KIRREL3: variants seen among roughly 807,000 people sequenced by gnomAD.
The protein encoded by KIRREL3 is kin of IRRE-like protein 3.
Under a neutral mutation model 89.7 loss-of-function variants are expected in KIRREL3, and 36 were observed. The observed-to-expected ratio is 0.40, with a 90% confidence interval of 0.31 to 0.53. The LOEUF (loss-of-function observed/expected upper bound fraction) is 0.53, where lower values mean the gene tolerates loss of function less well. Among genes scored for constraint, KIRREL3 ranks in the 20% least tolerant of loss-of-function variants. KIRREL3 has a pLI of 0.49. For synonymous variants in KIRREL3, 445 were observed against 441.4 expected (o/e 1.01, Z -0.10); for missense variants, 864 against 1,056.6 (o/e 0.82, Z 2.53).
rs548405396 is a variant in KIRREL3, at chr11:126,812,801, C to T, written c.55+187654G>A. 5.3e-5 allele frequency among the ~76,000 whole-genome samples: 8 copies of T among 152,288 alleles called. No individual in the cohort carries two copies. Among genetic ancestry groups the T allele is most frequent in the Non-Finnish European group, 8.8e-5 (6 of 68,024 alleles). On this transcript the variant is annotated intron_variant, in intron 1 of 16. Coordinates refer to ENST00000525144, the MANE Select transcript of KIRREL3 (RefSeq NM_032531.4). This position sits in a 1 kb window ranked among gnomAD's most constrained non-coding sequence, Gnocchi z 5.2. ...ATCAACTTCTACAATGATCCAATTT[C>T]TGGGTCTGGCTCTGTTTCTCTATTT...
chr11:126,574,783 C>T lies in KIRREL3; in HGVS notation c.56-11871G>A, dbSNP rs1377893998. On this transcript the variant is annotated intron_variant, in intron 1 of 16. Transcript: ENST00000525144. The surrounding 1 kb of genome is among the most constrained non-coding windows in gnomAD (Gnocchi z 5.3). Reference sequence around the variant, plus strand: ...GAAAATGCTGCTTATGAACCACTTCCACCCTTGCCTACCTACTCCTGCCAA... The same window carrying T: ...GAAAATGCTGCTTATGAACCACTTCTACCCTTGCCTACCTACTCCTGCCAA... Among the ~76,000 whole-genome samples, 2 of 152,208 alleles carry T rather than the reference C, an allele frequency of 1.3e-5. No individual in the cohort carries two copies. The highest frequency in any genetic ancestry group is 4.8e-5 in the African/African-American group (2 of 41,442).
At chr11:126,972,196 G>GAGAGAGAGAA in intron 1 of KIRREL3, among the ~76,000 whole-genome samples, 1 of 151,866 alleles carries the variant, frequency 6.6e-6, no homozygotes, top group Non-Finnish European at 1.5e-5. Flanking sequence ...GAGAGAGAGA[G>GAGAGAGAGAA]AGAGAGAGGA....
At chr11:126,621,493 A>G (rs1943572033) in intron 1 of KIRREL3, among the ~76,000 whole-genome samples, 1 of 152,226 alleles carries the variant, frequency 6.6e-6, no homozygotes. Context: ...ATATCTTAAA[A>G]GCGTGTGAGA....
intron 1 of KIRREL3, among the ~76,000 whole-genome samples, chr11:126,582,282 G>T (rs1941591023): frequency 6.6e-6 from 1 of 152,212 alleles, no homozygotes; most frequent in African/African-American, 2.4e-5. Flanking sequence ...CTGCCATTGT[G>T]CATTGCAAGG....
At position 126,729,097 on chromosome 11, in the gene KIRREL3, C is replaced by T. The variant is rs751316621; in HGVS notation, c.56-166185G>A. On this transcript the variant is annotated intron_variant, in intron 1 of 16. Transcript: ENST00000525144. This position sits in a 1 kb window ranked among gnomAD's most constrained non-coding sequence, Gnocchi z 4.5. Reference sequence around the variant, plus strand: ...TCTAGGCCAGAAAACACAACTGGGCCATCTTCCCTCATCTCTAGCAGAATG... The same window carrying T: ...TCTAGGCCAGAAAACACAACTGGGCTATCTTCCCTCATCTCTAGCAGAATG... Among the ~76,000 whole-genome samples, 3 of 152,196 alleles carry T rather than the reference C, an allele frequency of 2.0e-5. No individual in the cohort carries two copies. Among genetic ancestry groups the T allele is most frequent in the Non-Finnish European group, 4.4e-5 (3 of 68,046 alleles).
chr11:126,970,502 C>T lies in KIRREL3; in HGVS notation c.55+29953G>A, dbSNP rs1035922484. On this transcript the variant is annotated intron_variant, in intron 1 of 16. Transcript: ENST00000525144. This position sits in a 1 kb window ranked among gnomAD's most constrained non-coding sequence, Gnocchi z 4.4. The stretch of plus-strand genomic sequence containing the variant: ...CAATCTTTAAAACCCCTACAGTGCC[C>T]TGTCAACCCCACAGAGGGTCCAGAA... Among the ~76,000 whole-genome samples, 1 of 152,186 alleles carries T rather than the reference C, an allele frequency of 6.6e-6. No individual in the cohort carries two copies. The highest frequency in any genetic ancestry group is 2.4e-5 in the African/African-American group (1 of 41,438).
chr11:126,756,007 T>A (rs1010794809), intron 1 of KIRREL3, among the ~76,000 whole-genome samples: 1 of 152,162 alleles, frequency 6.6e-6, no homozygotes, highest in Non-Finnish European at 1.5e-5. Context: ...TGACTAGCAA[T>A]GGAATGGGAG....
rs1288526578 is a variant in KIRREL3 at position 126,909,775 on chromosome 11, G to C, written c.55+90680C>G. 2.0e-5 allele frequency among the ~76,000 whole-genome samples: 3 copies of C among 152,176 alleles called. No homozygotes were observed. The highest frequency in any genetic ancestry group is 1.5e-5 in the Non-Finnish European group (1 of 68,024). ...CTTTCATGAAAACAGTTGTGCATGA[G>C]GCTGAAGCACCGCCATTATAAAAAA... On this transcript the variant is annotated intron_variant, in intron 1 of 16. Transcript: ENST00000525144. This position sits in a 1 kb window ranked among gnomAD's most constrained non-coding sequence, Gnocchi z 4.5.
chr11:126,613,117 C>G (rs937090974), intron 1 of KIRREL3, among the ~76,000 whole-genome samples: 2 of 152,082 alleles, frequency 1.3e-5, no homozygotes, highest in African/African-American at 4.8e-5. Context: ...TTAGTGTCCA[C>G]CCCCTTACAT....
At chr11:126,840,099 G>A (rs1225068399) in intron 1 of KIRREL3, among the ~76,000 whole-genome samples, 1 of 152,158 alleles carries the variant, frequency 6.6e-6, no homozygotes, top group Non-Finnish European at 1.5e-5. Flanking sequence ...AGTTATATGG[G>A]TGTCTCCTGA....
At position 126,621,642 on chromosome 11, in the gene KIRREL3, C is replaced by T. The variant is rs543242160; in HGVS notation, c.56-58730G>A. On this transcript the variant is annotated intron_variant, in intron 1 of 16. Coordinates refer to ENST00000525144, the MANE Select transcript of KIRREL3 (RefSeq NM_032531.4). ...CTAATGTGCATTTTTTTTAATACCA[C>T]GAAACTATAAAACCCATTGAAACAC... Among the ~76,000 whole-genome samples, 10 of 152,018 alleles carry T rather than the reference C, an allele frequency of 6.6e-5. No individual in the cohort carries two copies. In the Middle Eastern group the frequency reaches 0.014, roughly 207 times the overall value.
chr11:126,857,338 A>G (rs1053511963), intron 1 of KIRREL3, among the ~76,000 whole-genome samples: 9 of 152,244 alleles, frequency 5.9e-5, no homozygotes, highest in African/African-American at 2.2e-4. Context: ...GCCTGCCCCA[A>G]CTTGCAGAGA....
chr11:126,424,974 G>A lies in KIRREL3; in HGVS notation c.1943C>T (p.Ser648Leu). The change falls in exon 17 of 17, where the codon TCA becomes TTA. Residue 648 changes from serine (S) to leucine (L), a missense_variant. Ser to Leu is a moderately radical substitution (Grantham distance 145). Transcript: ENST00000525144. ...GCTGGAGAGGGAGATGGTCGGGGTT[G>A]AGTGGTGCTCTTTGAAGGTGTTGAC... ...YSVNTFKEHH[S>L]TPTISLSSCQ... The A allele has an allele frequency of 6.3e-7, 1 of 1,577,426 alleles. No homozygotes were observed. The highest frequency in any genetic ancestry group is 8.6e-7 in the Non-Finnish European group (1 of 1,159,938).
Position 126,805,385 on chromosome 11 carries a change from C to G in KIRREL3, c.55+195070G>C, listed in dbSNP as rs890778409. Among the ~76,000 whole-genome samples the G allele has an allele frequency of 6.6e-6, 1 of 152,132 alleles. No homozygotes were observed. Among genetic ancestry groups the G allele is most frequent in the Non-Finnish European group, 1.5e-5 (1 of 68,016 alleles). On this transcript the variant is annotated intron_variant, in intron 1 of 16. Coordinates refer to ENST00000525144, the MANE Select transcript of KIRREL3 (RefSeq NM_032531.4). This position sits in a 1 kb window ranked among gnomAD's most constrained non-coding sequence, Gnocchi z 4.3. ...ATACTGGGTGGAGGAGATTTAATTA[C>G]TCAGATGCTCTTATGCTCCTCAAAG...
At chr11:126,482,317 G>A (rs906224907) in intron 4 of KIRREL3, among the ~76,000 whole-genome samples, 5 of 152,224 alleles carry the variant, frequency 3.3e-5, no homozygotes, top group African/African-American at 9.6e-5. Flanking sequence ...GGGATTACAG[G>A]CATGAACCAC....
Position 126,876,942 on chromosome 11 carries a change from T to C in KIRREL3, c.55+123513A>G, listed in dbSNP as rs141556965. ...TTGCAGAAACCTATAAGACAGACTA[T>C]CACTGAACTCATAAAAAAAGAGTTA... is the stretch of plus-strand genomic sequence containing the variant. On this transcript the variant is annotated intron_variant, in intron 1 of 16. Coordinates refer to ENST00000525144, the MANE Select transcript of KIRREL3 (RefSeq NM_032531.4). This position sits in a 1 kb window ranked among gnomAD's most constrained non-coding sequence, Gnocchi z 4.1. Among the ~76,000 whole-genome samples the C allele has an allele frequency of 1.3e-5, 2 of 152,246 alleles. No individual in the cohort carries two copies. Among genetic ancestry groups the C allele is most frequent in the African/African-American group, 4.8e-5 (2 of 41,534 alleles).
chr11:126,811,196 A>C lies in KIRREL3; in HGVS notation c.55+189259T>G, dbSNP rs1172306238. ...GTGTTGTTACCCCACCTGACAGTTC[A>C]CAATTCTGTCTTTCCTCCTGCTGAG... On this transcript the variant is annotated intron_variant, in intron 1 of 16. Transcript: ENST00000525144. This position sits in a 1 kb window ranked among gnomAD's most constrained non-coding sequence, Gnocchi z 4.3. Among the ~76,000 whole-genome samples the C allele has an allele frequency of 5.9e-5, 9 of 152,196 alleles. No homozygotes were observed. The highest frequency in any genetic ancestry group is 1.2e-4 in the Non-Finnish European group (8 of 68,028).
At chr11:126,509,398 G>A (rs1037232231) in intron 4 of KIRREL3, among the ~76,000 whole-genome samples, 6 of 152,212 alleles carry the variant, frequency 3.9e-5, no homozygotes, top group African/African-American at 1.4e-4. Flanking sequence ...GAAGGTAGCT[G>A]TGTTGAACAC....
At chr11:126,753,563 G>A (rs2134249665) in intron 1 of KIRREL3, among the ~76,000 whole-genome samples, 1 of 152,340 alleles carries the variant, frequency 6.6e-6, no homozygotes, top group African/African-American at 2.4e-5. Context: ...TGGAATGTCT[G>A]TGTTGATTCA....
Sources: gnomAD v4.1 joint callset for allele counts (sites outside exome capture counted in the v4.1 genomes callset) on GRCh38, gnomAD v4.1.1 for gene constraint, Gnocchi (gnomAD v3.1) non-coding constraint, MANE v1.5 for transcripts, NCBI Gene and HGNC (gene_info 2026-07-23, HGNC 2026-07-21) for gene names.